The following GRM6 variants were observed in gnomAD, a reference collection of about 807,000 sequenced individuals.
GRM6 encodes the protein glutamate metabotropic receptor 6.
A neutral mutation model predicts 78.4 loss-of-function variants in GRM6; 73 were observed. That is an observed-to-expected ratio of 0.93 (90% CI 0.77 to 1.13). The LOEUF (loss-of-function observed/expected upper bound fraction) is 1.13. Ranked by LOEUF, GRM6 falls within the 50% of genes most tolerant of loss-of-function variation. The pLI is 0.00. For missense variants in GRM6, 1,251 were observed against 1,256.4 expected (o/e 1.00, Z 0.07); for synonymous variants, 580 against 555.0 (o/e 1.05, Z -0.63).
At chr5:178,993,549 G>T (rs985200445) in intron 2 of GRM6, among the ~76,000 whole-genome samples, 4 of 152,112 alleles carry the variant, frequency 2.6e-5, no homozygotes, top group Non-Finnish European at 5.9e-5. Flanking sequence ...AGTCGGAGAA[G>T]CTCTCAGGAA....
rs1410165268 is a variant in GRM6, at chr5:178,994,702, G to A, written c.243C>T (p.Ala81=). 2.0e-6 allele frequency: 3 copies of A among 1,468,298 alleles called. No homozygotes were observed. The highest frequency in any genetic ancestry group is 2.7e-6 in the Non-Finnish European group (3 of 1,112,682). The allele number at this position is 1,468,298 out of a possible 1,614,324, so 91.0% of individuals were successfully genotyped here. Residue 81 remains alanine, a synonymous_variant, in exon 2 of 11, where the codon GCC becomes GCT. Transcript: ENST00000517717. The part of the protein sequence containing the change: ...AMLYALDRVN[A]DPELLPGVRL... ...GCACGCCGGGCAGCAGCTCGGGGTC[G>A]GCGTTGACGCGGTCCAGCGCGTACA...
At chr5:178,987,478 T>C in intron 7 of GRM6, 2 of 456,462 alleles carry the variant, frequency 4.4e-6, no homozygotes, top group South Asian at 3.1e-5. Flanking sequence ...GATTCAGCCT[T>C]CAAAAGGAAG....
At position 178,989,285 on chromosome 5, in the gene GRM6, T is replaced by C. The variant is rs930148506; in HGVS notation, c.1133A>G (p.Asp378Gly). ...KLTSSGTQSD[D>G]STRKCTGEER... ...CTCACCTGTGCATTTGCGGGTGGAATCGTCTGACTGGGTACCTGAGCTGGT... is the reference window on the plus strand; with the variant it reads ...CTCACCTGTGCATTTGCGGGTGGAACCGTCTGACTGGGTACCTGAGCTGGT... Residue 378 changes from aspartate (D) to glycine (G), a missense_variant, in exon 6 of 11, where the codon GAT (aspartate) becomes GGT (glycine). Physicochemically the swap from Asp to Gly is moderately conservative, Grantham distance 94. Transcript: ENST00000517717. 1 of 1,601,488 alleles carries C rather than the reference T, an allele frequency of 6.2e-7. No individual in the cohort carries two copies. Among genetic ancestry groups the C allele is most frequent in the Non-Finnish European group, 8.5e-7 (1 of 1,177,446 alleles).
At chr5:178,993,924 T>G (rs1354297861) in intron 2 of GRM6, among the ~76,000 whole-genome samples, 1 of 152,022 alleles carries the variant, frequency 6.6e-6, no homozygotes, top group African/African-American at 2.4e-5. Flanking sequence ...GAAAATAAAT[T>G]TAAATGATCA....
In GRM6 at chr5:178,989,386, C is replaced by T; in HGVS notation, c.1032G>A (p.Met344Ile). The T allele has an allele frequency of 7.4e-6, 12 of 1,614,128 alleles. No individual in the cohort carries two copies. The highest frequency in any genetic ancestry group is 1.0e-5 in the Non-Finnish European group (12 of 1,179,996). The change falls in exon 6 of 11, where the codon ATG (methionine) becomes ATA (isoleucine). Residue 344 changes from methionine (M) to isoleucine (I), a missense_variant. Transcript: ENST00000517717. ...TGCGGTTGTTCTCCAGGGATCGAGT[C>T]ATGAAGTACTGGTCAAATCCTACAG... ...ASIDGFDQYF[M>I]TRSLENNRRN...
At chr5:178,995,077 C>T in intron 1 of GRM6, 117 bp from the exon 2 acceptor site, 4 of 484,858 alleles carry the variant, frequency 8.2e-6, no homozygotes, top group Non-Finnish European at 1.1e-5. Context: ...GCGCGCCTTC[C>T]ACTTCGGCTC....
chr5:178,985,617 G>A (rs1235784548), intron 9 of GRM6: 1 of 361,838 alleles, frequency 2.8e-6, no homozygotes. Flanking sequence ...GCAGGAGAAT[G>A]GCGTGAACCC....
rs1316129328 is a variant in GRM6, at chr5:178,989,654, A to G, written c.1013-249T>C. ...GTTCTGATTGGTGGACTCAGAGCCA[A>G]CTGGAGGTTCCAGGGTAGCACTTAC... On this transcript the variant is annotated intron_variant, in intron 5 of 10. Coordinates refer to ENST00000517717, the MANE Select transcript of GRM6 (RefSeq NM_000843.4). The G allele has an allele frequency of 8.5e-6, 5 of 585,392 alleles. No individual in the cohort carries two copies. The East Asian group carries it at 8.7e-5, about 10-fold the overall frequency. The allele number at this position is 585,392 out of a possible 1,614,324, so 36.3% of individuals were successfully genotyped here.
In GRM6 at chr5:178,989,043, G is replaced by A; in HGVS notation, c.1246C>T (p.His416Tyr). 3.1e-6 allele frequency: 5 copies of A among 1,614,060 alleles called. No homozygotes were observed. The highest frequency in any genetic ancestry group is 4.2e-6 in the Non-Finnish European group (5 of 1,179,942). ...DAVYAIAHAL[H>Y]SMHQALCPGH... is the part of the protein sequence containing the mutation. ...GGGCAGAGCGCCTGGTGCATGCTGT[G>A]GAGGGCGTGGGCAATGGCGTACACC... Residue 416 changes from histidine (H) to tyrosine (Y), a missense_variant, in exon 7 of 11, where the codon CAC becomes TAC. By Grantham distance (83) the His-to-Tyr change is moderately conservative. Transcript: ENST00000517717.
intron 5 of GRM6, chr5:178,989,716 ACT>A: frequency 9.2e-5 from 43 of 466,814 alleles, no homozygotes; most frequent in Admixed American, 3.1e-4. Context: ...CATTTGAAAG[ACT>A]TTTATCCCTG....
chr5:178,991,741 G>C lies in GRM6; in HGVS notation c.721+126C>G. 1 of 1,118,876 alleles carries C rather than the reference G, an allele frequency of 8.9e-7. No individual in the cohort carries two copies. Among genetic ancestry groups the C allele is most frequent in the Non-Finnish European group, 1.3e-6 (1 of 747,322 alleles). 69.3% of individuals were successfully genotyped at this position (1,118,876 alleles called of 1,614,324 possible). ...AAAACAAAGAGGTCCCGCCCACATG[G>C]AGCACCAGCCAGGCAACCTCGGCCC... On this transcript the variant is annotated intron_variant, in intron 3 of 10. Coordinates refer to ENST00000517717, the MANE Select transcript of GRM6 (RefSeq NM_000843.4). The surrounding 1 kb of genome is among the most constrained non-coding windows in gnomAD (Gnocchi z 5.0).
In GRM6 at chr5:178,981,681, G is replaced by A. The variant is rs61731186; in HGVS notation, c.2610C>T (p.Gly870=). The change falls in exon 11 of 11, where the codon GGC becomes GGT. Residue 870 remains glycine, a synonymous_variant. Transcript: ENST00000517717. This position sits in a 1 kb window ranked among gnomAD's most constrained non-coding sequence, Gnocchi z 5.1. ...ATSTVAAPPK[G]EDAEAHK is the part of the protein sequence containing the mutation. ...GCTACTTGTGGGCCTCTGCATCCTC[G>A]CCCTTGGGTGGGGCTGCCACCGTGG... 2.7e-4 allele frequency: 428 copies of A among 1,613,916 alleles called. 2 individuals are homozygous for A. The African/African-American group carries it at 4.7e-3, about 18-fold the overall frequency.
intron 9 of GRM6, among the ~76,000 whole-genome samples, chr5:178,983,909 A>T (rs1226272511): frequency 6.6e-6 from 1 of 152,222 alleles, no homozygotes; most frequent in Non-Finnish European, 1.5e-5. Flanking sequence ...TCACTGTACG[A>T]GAGCGCCTGA....
At position 178,988,952 on chromosome 5, in the gene GRM6, C is replaced by T. The variant is rs760980866; in HGVS notation, c.1337G>A (p.Arg446Gln). 4.3e-6 allele frequency: 7 copies of T among 1,613,120 alleles called. No homozygotes were observed. Among genetic ancestry groups the T allele is most frequent in the Admixed American group, 1.7e-5 (1 of 59,990 alleles). ...TDGRMLLQYI[R>Q]AVRFNGSAGT... ...CCACTCACCATTGAAGCGGACAGCT[C>T]GAATGTACTGCAGAAGCATCCGCCC... The change falls in exon 7 of 11, where the codon CGA becomes CAA. Residue 446 changes from arginine (R) to glutamine (Q), a missense_variant. Coordinates refer to ENST00000517717, the MANE Select transcript of GRM6 (RefSeq NM_000843.4). This position sits in a 1 kb window ranked among gnomAD's most constrained non-coding sequence, Gnocchi z 6.0.
chr5:178,994,478 A>T lies in GRM6; in HGVS notation c.467T>A (p.Val156Asp). ...VAVVGASASS[V>D]SIMVANVLRL... ...CAGCACGTTGGCGACCATGATGGAG[A>T]CGGAGCTGGCCGAGGCGCCCACGAC... Residue 156 changes from valine (V) to aspartate (D), a missense_variant, in exon 2 of 11, where the codon GTC becomes GAC. By Grantham distance (152) the Val-to-Asp change is radical. Coordinates refer to ENST00000517717, the MANE Select transcript of GRM6 (RefSeq NM_000843.4). The T allele has an allele frequency of 6.8e-7, 1 of 1,477,248 alleles. No homozygotes were observed. The highest frequency in any genetic ancestry group is 1.3e-5 in the South Asian group (1 of 78,164). 91.5% of individuals were successfully genotyped at this position (1,477,248 alleles called of 1,614,324 possible).
rs1760677499 is a variant in GRM6 at position 178,991,666 on chromosome 5, G to A, written c.722-107C>T. On this transcript the variant is annotated intron_variant, in intron 3 of 10. Coordinates refer to ENST00000517717, the MANE Select transcript of GRM6 (RefSeq NM_000843.4). This position sits in a 1 kb window ranked among gnomAD's most constrained non-coding sequence, Gnocchi z 5.0. ...GGCTGGCTGAAGGGTCTGCAGGGGTGAAGTCTGGCCTGCACCCTCCGCCAA... is the reference window on the plus strand; with the variant it reads ...GGCTGGCTGAAGGGTCTGCAGGGGTAAAGTCTGGCCTGCACCCTCCGCCAA... The A allele has an allele frequency of 7.2e-7, 1 of 1,391,640 alleles. No homozygotes were observed. The highest frequency in any genetic ancestry group is 1.0e-6 in the Non-Finnish European group (1 of 982,420). 86.2% of individuals were successfully genotyped at this position (1,391,640 alleles called of 1,614,324 possible).
Position 178,986,824 on chromosome 5 carries a change from G to C in GRM6, c.1500+14C>G. ...TGGGCCCATGCCCACCTGGGGCTCG[G>C]TCTGCACACTCACATCCAGTCTGAG... On this transcript the variant is annotated intron_variant, in intron 8 of 10. Coordinates refer to ENST00000517717, the MANE Select transcript of GRM6 (RefSeq NM_000843.4). 1 of 1,613,506 alleles carries C rather than the reference G, an allele frequency of 6.2e-7. No individual in the cohort carries two copies. Among genetic ancestry groups the C allele is most frequent in the Non-Finnish European group, 8.5e-7 (1 of 1,179,920 alleles).
At chr5:178,985,942 T>C (rs554411054) in intron 9 of GRM6, among the ~76,000 whole-genome samples, 188 bp downstream of exon 9, 19 of 152,252 alleles carry the variant, frequency 1.2e-4, no homozygotes, top group Non-Finnish European at 2.2e-4. Flanking sequence ...TCATATTTTT[T>C]GCAGAGACAG....
chr5:178,982,576 CAAAAAAAAAAAAA>C (rs70997654), intron 10 of GRM6, among the ~76,000 whole-genome samples: 1 of 20,168 alleles, frequency 5.0e-5, no homozygotes, highest in Admixed American at 1.0e-3. Context: ...GACTCTGTCT[CAAAAAAAAAAAAA>C]AAAAAAAAAA....
Sources: allele counts gnomAD v4.1 joint callset (sites outside exome capture counted in the v4.1 genomes callset), GRCh38; gene constraint gnomAD v4.1.1; non-coding constraint Gnocchi (gnomAD v3.1); transcripts MANE v1.5; gene names NCBI Gene and HGNC (gene_info 2026-07-23, HGNC 2026-07-21).